AJAP1: variants seen among roughly 807,000 people sequenced by gnomAD.
AJAP1 encodes the protein adherens junction-associated protein 1.
AJAP1 carries 5 observed loss-of-function variants against 35.0 expected under a neutral mutation model. That is an observed-to-expected ratio of 0.14 (90% CI 0.07 to 0.30). The LOEUF is 0.30. Among genes scored for constraint, AJAP1 ranks in the 10% least tolerant of loss-of-function variants. AJAP1 has a pLI of 1.00. For missense variants in AJAP1, 586 were observed against 571.0 expected (o/e 1.03, Z -0.27); for synonymous variants, 284 against 249.3 (o/e 1.14, Z -1.31).
chr1:4,772,421 C>A lies in AJAP1; in HGVS notation c.1059C>A (p.Thr353=), dbSNP rs759716849. ...SLDIFTAYNE[T]LQCSHECVRA... is the part of the protein sequence containing the mutation. The stretch of plus-strand genomic sequence containing the variant: ...ACATATTCACGGCCTATAACGAGAC[C>A]CTGCAGTGTTCTCACGAGTGCGTCA... The change falls in exon 4 of 6, where the codon ACC becomes ACA. Residue 353 remains threonine, a synonymous_variant. Transcript: ENST00000378191. 2 of 1,614,254 alleles carry A rather than the reference C, an allele frequency of 1.2e-6. No individual in the cohort carries two copies. The highest frequency in any genetic ancestry group is 2.2e-5 in the East Asian group (1 of 44,880).
At chr1:4,764,246 G>A (rs180676509) in intron 2 of AJAP1, among the ~76,000 whole-genome samples, 3 of 152,302 alleles carry the variant, frequency 2.0e-5, no homozygotes, top group East Asian at 1.9e-4. Context: ...AAGACTCTGC[G>A]GGGTCACTCA....
intron 1 of AJAP1, among the ~76,000 whole-genome samples, chr1:4,667,372 C>G (rs1183178717): frequency 6.6e-6 from 1 of 152,196 alleles, no homozygotes. Context: ...CCTGCCCCTG[C>G]CCCTCCGTGG....
intron 2 of AJAP1, among the ~76,000 whole-genome samples, chr1:4,725,595 G>A (rs1212022972): frequency 2.0e-5 from 3 of 152,296 alleles, no homozygotes; most frequent in South Asian, 2.1e-4. Flanking sequence ...CCTTGGTGGC[G>A]GGAGTTGCTC....
intron 1 of AJAP1, among the ~76,000 whole-genome samples, chr1:4,671,127 G>T (rs1639238691): frequency 6.6e-6 from 1 of 152,206 alleles, no homozygotes; most frequent in African/African-American, 2.4e-5. Context: ...CCAGCTCTTT[G>T]GGAGGCCGAG....
rs762451037 is a variant in AJAP1 at position 4,655,476 on chromosome 1, G to A, written c.29+22G>A. The A allele has an allele frequency of 1.3e-6, 2 of 1,563,256 alleles. No homozygotes were observed. Among genetic ancestry groups the A allele is most frequent in the Non-Finnish European group, 1.7e-6 (2 of 1,153,908 alleles). ...TCAGGTGAGCGACCCGGCCGGCGCCGGGTGCGTGTGGGCGCGTGGGTGCCA... is the reference window on the plus strand; with the variant it reads ...TCAGGTGAGCGACCCGGCCGGCGCCAGGTGCGTGTGGGCGCGTGGGTGCCA... On this transcript the variant is annotated intron_variant, in intron 1 of 5. Transcript: ENST00000378191. The surrounding 1 kb of genome is among the most constrained non-coding windows in gnomAD (Gnocchi z 6.9).
At chr1:4,749,129 G>A (rs889744649) in intron 2 of AJAP1, among the ~76,000 whole-genome samples, 5 of 152,166 alleles carry the variant, frequency 3.3e-5, no homozygotes, top group African/African-American at 1.2e-4. Flanking sequence ...TCTTATCAAC[G>A]TCATATTCTC....
At chr1:4,701,765 G>A (rs756346251) in intron 1 of AJAP1, among the ~76,000 whole-genome samples, 2 of 152,208 alleles carry the variant, frequency 1.3e-5, no homozygotes, top group African/African-American at 2.4e-5. Context: ...ACAGGATGCC[G>A]TTTTTACCAT....
At chr1:4,757,565 A>G (rs766515979) in intron 2 of AJAP1, among the ~76,000 whole-genome samples, 3 of 152,204 alleles carry the variant, frequency 2.0e-5, no homozygotes, top group Non-Finnish European at 4.4e-5. Context: ...TGGGATCACC[A>G]TGGAAACACA....
intron 2 of AJAP1, 46 bp downstream of exon 2, chr1:4,712,745 C>G (rs778524718): frequency 6.7e-7 from 1 of 1,484,662 alleles, no homozygotes; most frequent in East Asian, 2.4e-5. Context: ...GGGTTGAGGG[C>G]TGGGAGCGTG....
At chr1:4,682,030 CAT>C (rs1324666282) in intron 1 of AJAP1, among the ~76,000 whole-genome samples, 1 of 152,184 alleles carries the variant, frequency 6.6e-6, no homozygotes, top group African/African-American at 2.4e-5. Context: ...AGTAAGGCCA[CAT>C]ATCCAGGAAG....
In AJAP1 at chr1:4,773,799, G is replaced by A. The variant is rs1025854150; in HGVS notation, c.1164-628G>A. Among the ~76,000 whole-genome samples the A allele has an allele frequency of 3.3e-5, 5 of 152,346 alleles. No homozygotes were observed. The East Asian group carries it at 9.6e-4, about 29-fold the overall frequency. ...GTAGAGGGCAGAGGGCCGTGGGCTG[G>A]CCTCTGTTGCTTCACTTTTCCCACC... On this transcript the variant is annotated intron_variant, in intron 4 of 5. Coordinates refer to ENST00000378191, the MANE Select transcript of AJAP1 (RefSeq NM_018836.4).
intron 1 of AJAP1, among the ~76,000 whole-genome samples, chr1:4,700,922 C>T (rs906349606): frequency 2.6e-5 from 4 of 152,090 alleles, no homozygotes; most frequent in African/African-American, 4.8e-5. Context: ...GACAGGGGAG[C>T]GGGGCCCAGC....
intron 4 of AJAP1, 61 bp from the exon 5 acceptor site, chr1:4,774,366 G>A: frequency 6.6e-7 from 1 of 1,509,114 alleles, no homozygotes; most frequent in South Asian, 1.1e-5. Flanking sequence ...GCCCCGGCTT[G>A]CCTATCATGT....
intron 1 of AJAP1, among the ~76,000 whole-genome samples, chr1:4,684,084 T>C (rs1252634199): frequency 3.9e-5 from 6 of 152,162 alleles, no homozygotes; most frequent in Non-Finnish European, 7.4e-5. Flanking sequence ...TTGGATCCTC[T>C]GGGTTGGTGC....
rs1220967699 is a variant in AJAP1, at chr1:4,661,664, A to T, written c.29+6210A>T. Among the ~76,000 whole-genome samples, 5 of 152,346 alleles carry T rather than the reference A, an allele frequency of 3.3e-5. 2 individuals are homozygous for T. The Middle Eastern group carries it at 0.014, about 417-fold the overall frequency. On this transcript the variant is annotated intron_variant, in intron 1 of 5. Coordinates refer to ENST00000378191, the MANE Select transcript of AJAP1 (RefSeq NM_018836.4). ...ACACAAAACAAAATTTTCAAACAACAACAACAAAAAATAAAACAAGAAGGA... is the reference window on the plus strand; with the variant it reads ...ACACAAAACAAAATTTTCAAACAACTACAACAAAAAATAAAACAAGAAGGA...
At chr1:4,671,739 C>G (rs986126829) in intron 1 of AJAP1, among the ~76,000 whole-genome samples, 2 of 152,122 alleles carry the variant, frequency 1.3e-5, no homozygotes, top group African/African-American at 4.8e-5. Flanking sequence ...AGGTATAGGC[C>G]CATTATTTTT....
intron 2 of AJAP1, among the ~76,000 whole-genome samples, chr1:4,728,055 T>C (rs1367927406): frequency 6.6e-6 from 1 of 152,124 alleles, no homozygotes; most frequent in Non-Finnish European, 1.5e-5. Flanking sequence ...ATAGCCAGAC[T>C]CCAGAACAGA....
chr1:4,765,597 GTC>G (rs1048907278), intron 2 of AJAP1, among the ~76,000 whole-genome samples: 2 of 152,018 alleles, frequency 1.3e-5, no homozygotes, highest in African/African-American at 4.8e-5. Context: ...ATAAGATATG[GTC>G]TCTCTCTACA....
At position 4,787,196 on chromosome 1, in the gene AJAP1, A is replaced by T. The variant is rs1429361163; in HGVS notation, c.*4711A>T. The T allele has an allele frequency of 6.4e-6, 1 of 156,890 alleles. No individual in the cohort carries two copies. Among genetic ancestry groups the T allele is most frequent in the African/African-American group, 2.4e-5 (1 of 41,526 alleles). The allele number at this position is 156,890 out of a possible 1,614,324, so 9.7% of individuals were successfully genotyped here. A position where few individuals can be genotyped will look rare whatever the true frequency, so the allele number is the denominator to read the frequency against. ...AGTTGGAGGCAAGATGGGCACAGTT[A>T]TGGCCTTGTGGGCTTTATATTCTAC... On this transcript the variant is annotated 3_prime_UTR_variant, in exon 6 of 6. Coordinates refer to ENST00000378191, the MANE Select transcript of AJAP1 (RefSeq NM_018836.4).
Sources: allele counts gnomAD v4.1 joint callset (sites outside exome capture counted in the v4.1 genomes callset), GRCh38; gene constraint gnomAD v4.1.1; non-coding constraint Gnocchi (gnomAD v3.1); transcripts MANE v1.5; gene names NCBI Gene and HGNC (gene_info 2026-07-23, HGNC 2026-07-21).